The following WDFY2 variants were observed in gnomAD, a reference collection of about 807,000 sequenced individuals.
The protein encoded by WDFY2 is WD repeat and FYVE domain-containing protein 2.
Under a neutral mutation model 56.4 loss-of-function variants are expected in WDFY2, and 36 were observed. That is an observed-to-expected ratio of 0.64 (90% CI 0.49 to 0.84). The LOEUF (loss-of-function observed/expected upper bound fraction) is 0.84. Among genes scored for constraint, WDFY2 ranks in the 40% least tolerant of loss-of-function variants. The pLI is 0.00. For synonymous variants in WDFY2, 176 were observed against 183.7 expected (o/e 0.96, Z 0.34); for missense variants, 444 against 512.2 (o/e 0.87, Z 1.29).
chr13:51,619,768 C>T (rs1954691001), intron 1 of WDFY2, among the ~76,000 whole-genome samples: 1 of 152,162 alleles, frequency 6.6e-6, no homozygotes, highest in African/African-American at 2.4e-5. Flanking sequence ...GGTCAGATAA[C>T]ATTTATGGAC....
chr13:51,626,816 T>C (rs1014112824), intron 1 of WDFY2, among the ~76,000 whole-genome samples: 17 of 152,200 alleles, frequency 1.1e-4, no homozygotes, highest in Non-Finnish European at 2.1e-4. Context: ...GCCAGGAACC[T>C]CTGTGGCCAG....
At chr13:51,665,919 C>T (rs1593959069) in intron 2 of WDFY2, among the ~76,000 whole-genome samples, 1 of 152,314 alleles carries the variant, frequency 6.6e-6, no homozygotes, top group East Asian at 1.9e-4. Context: ...TAAAGAGGCA[C>T]ACCTAATGTA....
rs4625625 is a variant in WDFY2, at chr13:51,726,711, G to T, written c.486-967G>T. ...AGACACTATGCCAACTTCGTAAGCC[G>T]ACTTTCAGAGGATCACAGTCAGAGC... On this transcript the variant is annotated intron_variant, in intron 5 of 11. Coordinates refer to ENST00000298125, the MANE Select transcript of WDFY2 (RefSeq NM_052950.4). Among the ~76,000 whole-genome samples the T allele has an allele frequency of 4.9e-3, 753 of 152,262 alleles. 5 individuals carry two copies. The highest frequency in any genetic ancestry group is 0.014 in the African/African-American group (591 of 41,560).
intron 3 of WDFY2, among the ~76,000 whole-genome samples, chr13:51,689,328 G>A (rs187568163): frequency 1.1e-4 from 17 of 152,258 alleles, no homozygotes; most frequent in East Asian, 1.9e-4. Context: ...CAAACAGTTC[G>A]TGTGTGGAGA....
chr13:51,606,799 C>G (rs1422376977), intron 1 of WDFY2, among the ~76,000 whole-genome samples: 1 of 151,884 alleles, frequency 6.6e-6, no homozygotes, highest in Non-Finnish European at 1.5e-5. Context: ...CCAGTGTTGT[C>G]ACTCTTAATT....
rs1331269627 is a variant in WDFY2, at chr13:51,617,362, T to G, written c.137+32538T>G. Among the ~76,000 whole-genome samples, 6 of 151,756 alleles carry G rather than the reference T, an allele frequency of 4.0e-5. No homozygotes were observed. The East Asian group carries it at 1.2e-3, about 29-fold the overall frequency. ...ATTCTTTTTCTTTTTTTTTTTGAGA[T>G]GTAGTCTTGCTTTGTTGCCCAGGCT... On this transcript the variant is annotated intron_variant, in intron 1 of 11. Coordinates refer to ENST00000298125, the MANE Select transcript of WDFY2 (RefSeq NM_052950.4).
intron 1 of WDFY2, among the ~76,000 whole-genome samples, chr13:51,585,100 C>T (rs1034619680): frequency 6.6e-6 from 1 of 152,210 alleles, no homozygotes; most frequent in Non-Finnish European, 1.5e-5. Context: ...TAACGGTGCG[C>T]TGGAGGGACT....
In WDFY2 at chr13:51,763,855, T is replaced by G. The variant is rs1158524206; in HGVS notation, c.*4086T>G. ...TATTAATCACTTCTTAAGGCCCAAA[T>G]TTTTGTTTTTAAGCAAAAGGATAGC... On this transcript the variant is annotated 3_prime_UTR_variant, in exon 12 of 12. Coordinates refer to ENST00000298125, the MANE Select transcript of WDFY2 (RefSeq NM_052950.4). 1 of 152,204 alleles carries G rather than the reference T, an allele frequency of 6.6e-6. No homozygotes were observed. The highest frequency in any genetic ancestry group is 1.5e-5 in the Non-Finnish European group (1 of 68,030). 9.4% of individuals were successfully genotyped at this position (152,204 alleles called of 1,614,324 possible). A position where few individuals can be genotyped will look rare whatever the true frequency, so the allele number is the denominator to read the frequency against.
At chr13:51,739,027 C>T (rs1310937946) in intron 6 of WDFY2, 22 bp from the exon 7 acceptor site, 2 of 1,543,352 alleles carry the variant, frequency 1.3e-6, no homozygotes, top group South Asian at 1.3e-5. Context: ...TGACTGATGT[C>T]TGGTTGTGTC....
intron 3 of WDFY2, among the ~76,000 whole-genome samples, 198 bp downstream of exon 3, chr13:51,675,441 AAGGTTCAGCTTGACCTACCCTATACAG>A (rs1331770350): frequency 1.3e-5 from 2 of 152,220 alleles, no homozygotes; most frequent in African/African-American, 4.8e-5. Context: ...AAATGCTGAC[AAGGTTCAGCTTGACCTACCCTATACAG>A]AGTGGCTAGA....
At chr13:51,683,243 GA>G (rs1414652248) in intron 3 of WDFY2, among the ~76,000 whole-genome samples, 1 of 152,186 alleles carries the variant, frequency 6.6e-6, no homozygotes, top group African/African-American at 2.4e-5. Context: ...ATTGTTTTAG[GA>G]ATTTGGATTT....
chr13:51,754,431 C>A (rs1953315835), intron 8 of WDFY2, among the ~76,000 whole-genome samples: 1 of 152,180 alleles, frequency 6.6e-6, no homozygotes, highest in Non-Finnish European at 1.5e-5. Flanking sequence ...AACCAAACAG[C>A]TGTACTCATT....
At chr13:51,717,234 T>C (rs1052797487) in intron 4 of WDFY2, among the ~76,000 whole-genome samples, 1 of 152,216 alleles carries the variant, frequency 6.6e-6, no homozygotes, top group Non-Finnish European at 1.5e-5. Flanking sequence ...TGAAATTTTT[T>C]TTCAATAAAA....
At chr13:51,755,294 G>T (rs934142289) in intron 8 of WDFY2, 64 bp from the exon 9 acceptor site, 12 of 1,468,494 alleles carry the variant, frequency 8.2e-6, no homozygotes, top group Non-Finnish European at 1.1e-5. Flanking sequence ...TTTCATCAGG[G>T]TCAGTGGTTT....
intron 1 of WDFY2, among the ~76,000 whole-genome samples, chr13:51,606,598 T>C (rs1482561712): frequency 6.6e-6 from 1 of 152,296 alleles, no homozygotes; most frequent in East Asian, 1.9e-4. Context: ...TTCATATCAA[T>C]GGAATATGAA....
chr13:51,756,370 G>A lies in WDFY2; in HGVS notation c.972G>A (p.Lys324=). 1 of 1,614,078 alleles carries A rather than the reference G, an allele frequency of 6.2e-7. No homozygotes were observed. The highest frequency in any genetic ancestry group is 8.5e-7 in the Non-Finnish European group (1 of 1,179,960). Residue 324 remains lysine (K), a synonymous_variant, in exon 10 of 12, where the codon AAG becomes AAA. Transcript: ENST00000298125. ...AGTGTGGGAAGGCCGTCTGTGGCAA[G>A]TGCAGCTCCAAGCGCTCCTCCATCC... is the stretch of plus-strand genomic sequence containing the variant. ...CRKCGKAVCG[K]CSSKRSSIPL...
chr13:51,747,912 A>G (rs1566225378), intron 7 of WDFY2, among the ~76,000 whole-genome samples: 1 of 152,216 alleles, frequency 6.6e-6, no homozygotes, highest in Admixed American at 6.5e-5. Flanking sequence ...CATAAAACAC[A>G]TCCTAAAAAT....
intron 7 of WDFY2, among the ~76,000 whole-genome samples, chr13:51,745,048 C>G (rs184256756): frequency 1.4e-3 from 215 of 152,304 alleles, no homozygotes; most frequent in African/African-American, 4.9e-3. Context: ...AATGTTGCTG[C>G]CAGCTATGAG....
chr13:51,659,468 TTTGA>T (rs1955571256), intron 1 of WDFY2, among the ~76,000 whole-genome samples: 3 of 152,320 alleles, frequency 2.0e-5, no homozygotes, highest in Non-Finnish European at 4.4e-5. Flanking sequence ...TTTCCATTTG[TTTGA>T]TGTTCACTAT....
Sources: allele counts gnomAD v4.1 joint callset (sites outside exome capture counted in the v4.1 genomes callset), GRCh38; gene constraint gnomAD v4.1.1; transcripts MANE v1.5; gene names NCBI Gene and HGNC (gene_info 2026-07-23, HGNC 2026-07-21).